The following SLCO2B1 variants were observed in gnomAD, a reference collection of about 807,000 sequenced individuals.
SLCO2B1 encodes the protein OATP-RP2.
A neutral mutation model predicts 67.3 loss-of-function variants in SLCO2B1; 41 were observed. The observed-to-expected ratio is 0.61, with a 90% CI of 0.47 to 0.79. The LOEUF (loss-of-function observed/expected upper bound fraction) is 0.79, where lower values mean the gene tolerates loss of function less well. Among genes scored for constraint, SLCO2B1 ranks in the 30% least tolerant of loss-of-function variants. The probability of loss-of-function intolerance (pLI) is 0.00; values close to 1 mark genes in which losing one functional copy is unlikely to be tolerated. For synonymous variants in SLCO2B1, 379 were observed against 381.4 expected, an observed-to-expected ratio of 0.99 and a Z score of 0.07; for missense variants, 837 against 920.1, an observed-to-expected ratio of 0.91 and a Z score of 1.17.
intron 7 of SLCO2B1, among the ~76,000 whole-genome samples, chr11:75,184,512 A>T (rs1042342647): frequency 1.3e-5 from 2 of 152,232 alleles, no homozygotes; most frequent in Non-Finnish European, 2.9e-5. Context: ...TGTGTCTTAC[A>T]CAGTGCTCAA....
rs764735701 is a variant in SLCO2B1, at chr11:75,165,848, G to A, written c.347G>A (p.Arg116Gln). The A allele has an allele frequency of 1.9e-5, 30 of 1,614,184 alleles. No homozygotes were observed. The highest frequency in any genetic ancestry group is 1.6e-4 in the Middle Eastern group (1 of 6,062). The change falls in exon 4 of 14, where the codon CGA becomes CAA. Residue 116 changes from arginine (R) to glutamine (Q), a missense_variant. Transcript: ENST00000289575. Reference protein sequence around the residue: ...SYFGSRVHRPRMIGYGAILVA... With the variant: ...SYFGSRVHRPQMIGYGAILVA... ...TTTGGCAGCCGGGTGCACCGACCCC[G>A]AATGATTGGCTATGGGGCTATCCTT...
chr11:75,162,963 T>G (rs1949840795), intron 2 of SLCO2B1, 178 bp downstream of exon 2: 2 of 684,890 alleles, frequency 2.9e-6, no homozygotes, highest in Middle Eastern at 4.3e-4. Context: ...TTCGGGCACA[T>G]GGAAGGTGGC....
intron 10 of SLCO2B1, among the ~76,000 whole-genome samples, chr11:75,197,719 C>T (rs189065410): frequency 2.1e-3 from 315 of 152,292 alleles, no homozygotes; most frequent in African/African-American, 7.2e-3. Context: ...TTCAGTCAGT[C>T]AGTCAGTCAA....
In SLCO2B1 at chr11:75,164,254, G is replaced by A. The variant is rs145765025; in HGVS notation, c.285+154G>A. 1.5e-3 allele frequency among the ~76,000 whole-genome samples: 233 copies of A among 152,268 alleles called. 2 individuals are homozygous for A. Among genetic ancestry groups the A allele is most frequent in the Non-Finnish European group, 2.2e-3 (147 of 68,008 alleles). On this transcript the variant is annotated intron_variant, in intron 3 of 13. Transcript: ENST00000289575. ...CAGCGCCTGCCTGAAACCTCAGAGC[G>A]TTTGCAGCTGTCTTCTAGGACTTGG... is the stretch of plus-strand genomic sequence containing the variant.
chr11:75,157,328 C>T (rs1232714205), intron 1 of SLCO2B1, among the ~76,000 whole-genome samples: 2 of 152,132 alleles, frequency 1.3e-5, no homozygotes, highest in African/African-American at 2.4e-5. Flanking sequence ...TGAATGTTGA[C>T]GGTAAGGTAC....
At position 75,196,502 on chromosome 11, in the gene SLCO2B1, C is replaced by T. The variant is rs761796353; in HGVS notation, c.1434-12C>T. The T allele has an allele frequency of 6.2e-7, 1 of 1,611,346 alleles. No individual in the cohort carries two copies. Among genetic ancestry groups the T allele is most frequent in the African/African-American group, 1.3e-5 (1 of 74,908 alleles). ...AAGCCAGGCCAACCCTACTGGTCTT[C>T]TCTCCCACCAGTGCCCACCCTGGGC... On this transcript the variant is annotated splice_polypyrimidine_tract_variant and intron_variant, in intron 9 of 13. Coordinates refer to ENST00000289575, the MANE Select transcript of SLCO2B1 (RefSeq NM_007256.5).
rs1424384111 is a variant in SLCO2B1 at position 75,151,132 on chromosome 11, C to A, written c.-250C>A. On this transcript the variant is annotated 5_prime_UTR_variant, in exon 1 of 14. Coordinates refer to ENST00000289575, the MANE Select transcript of SLCO2B1 (RefSeq NM_007256.5). ...AGAAGGAGCAAGTGACCCAGGGAGA[C>A]AAACACTTGGAGATACTTGGGGCTG... The A allele has an allele frequency of 3.9e-6, 2 of 508,414 alleles. No homozygotes were observed. The highest frequency in any genetic ancestry group is 3.5e-6 in the Non-Finnish European group (1 of 287,106). 31.5% of individuals were successfully genotyped at this position (508,414 alleles called of 1,614,324 possible). A position where few individuals can be genotyped will look rare whatever the true frequency, so the allele number is the denominator to read the frequency against.
chr11:75,186,811 T>A (rs1944942837), intron 7 of SLCO2B1, among the ~76,000 whole-genome samples: 1 of 152,200 alleles, frequency 6.6e-6, no homozygotes, highest in Non-Finnish European at 1.5e-5. Flanking sequence ...CTAAAAAGTG[T>A]GCACGGTAAT....
intron 1 of SLCO2B1, among the ~76,000 whole-genome samples, chr11:75,155,664 G>T (rs1949738408): frequency 1.3e-5 from 2 of 152,156 alleles, no homozygotes; most frequent in African/African-American, 4.8e-5. Flanking sequence ...CACCATGTTG[G>T]CCAGGCTGGT....
Position 75,164,067 on chromosome 11 carries a change from C to T in SLCO2B1, c.252C>T (p.Ser84=). ...TGGAGAAGCGCTTCGGCCTCTCCAG[C>T]CAGACGTCGGGGCTGCTGGCCTCCT... ...STVEKRFGLS[S]QTSGLLASFN... is the part of the protein sequence containing the mutation. The change falls in exon 3 of 14, where the codon AGC becomes AGT. Residue 84 remains serine, a synonymous_variant. Transcript: ENST00000289575. 1 of 1,608,738 alleles carries T rather than the reference C, an allele frequency of 6.2e-7. No individual in the cohort carries two copies. Among genetic ancestry groups the T allele is most frequent in the Non-Finnish European group, 8.5e-7 (1 of 1,177,778 alleles).
intron 1 of SLCO2B1, 99 bp downstream of exon 1, chr11:75,151,496 G>A: frequency 2.3e-6 from 3 of 1,289,440 alleles, no homozygotes; most frequent in Non-Finnish European, 3.3e-6. Context: ...TGGGTGGGAT[G>A]GGTGCTCACA....
At chr11:75,203,616 A>G in intron 13 of SLCO2B1, 189 bp downstream of exon 13, 1 of 682,402 alleles carries the variant, frequency 1.5e-6, no homozygotes, top group Non-Finnish European at 2.4e-6. Context: ...ATAGATGAGG[A>G]AAGTGACAGT....
chr11:75,199,373 A>G (rs750981131), intron 10 of SLCO2B1, among the ~76,000 whole-genome samples: 16 of 151,790 alleles, frequency 1.1e-4, no homozygotes, highest in Non-Finnish European at 2.1e-4. Flanking sequence ...CCATTTATCC[A>G]TCCACCCCCA....
Position 75,169,681 on chromosome 11 carries a change from TG to T in SLCO2B1, c.699del (p.Thr234ProfsTer2). The T allele has an allele frequency of 6.2e-7, 1 of 1,613,018 alleles. No individual in the cohort carries two copies. The highest frequency in any genetic ancestry group is 8.5e-7 in the Non-Finnish European group (1 of 1,179,510). ...SPLYLGILFA[V>X]TMMGPGLAFG... The stretch of plus-strand genomic sequence containing the variant: ...TGTGTTGTAGGGATCCTGTTTGCAG[TG>T]ACCATGATGGGGCCAGGCCTGGCCT... On this transcript the variant is annotated frameshift_variant, in exon 6 of 14. Transcript: ENST00000289575. LOFTEE classifies it high-confidence loss of function.
chr11:75,184,972 A>G (rs1200904357), intron 7 of SLCO2B1, among the ~76,000 whole-genome samples: 3 of 152,148 alleles, frequency 2.0e-5, no homozygotes, highest in Non-Finnish European at 2.9e-5. Flanking sequence ...TGCCACAAAC[A>G]TCCCCTGAGG....
At chr11:75,158,071 A>ATTAT (rs1202687675) in intron 1 of SLCO2B1, among the ~76,000 whole-genome samples, 3 of 152,084 alleles carry the variant, frequency 2.0e-5, no homozygotes, top group African/African-American at 4.8e-5. Flanking sequence ...ATTAAATTAA[A>ATTAT]TTATTTATTT....
intron 6 of SLCO2B1, among the ~76,000 whole-genome samples, chr11:75,170,336 A>C (rs939631877): frequency 6.6e-6 from 1 of 152,208 alleles, no homozygotes; most frequent in East Asian, 1.9e-4. Context: ...CAGGGGCACC[A>C]TTTGGGAAAG....
At chr11:75,189,015 A>G (rs1390800230) in intron 8 of SLCO2B1, among the ~76,000 whole-genome samples, 1 of 152,230 alleles carries the variant, frequency 6.6e-6, no homozygotes, top group Non-Finnish European at 1.5e-5. Context: ...CTCTGGGCTA[A>G]TATCCAGAAC....
At chr11:75,178,745 C>T (rs1261712761) in intron 7 of SLCO2B1, among the ~76,000 whole-genome samples, 2 of 152,210 alleles carry the variant, frequency 1.3e-5, no homozygotes, top group African/African-American at 4.8e-5. Context: ...GAACTTATTT[C>T]TCCTGTCTAA....
Sources: gnomAD v4.1 joint callset for allele counts (sites outside exome capture counted in the v4.1 genomes callset) on GRCh38, gnomAD v4.1.1 for gene constraint, MANE v1.5 for transcripts, NCBI Gene and HGNC (gene_info 2026-07-23, HGNC 2026-07-21) for gene names.